The following PCNX2 variants were observed in gnomAD, a reference collection of about 807,000 sequenced individuals.
The protein encoded by PCNX2 is pecanex-like protein 2.
A neutral mutation model predicts 223.8 loss-of-function variants in PCNX2; 168 were observed. That is an observed-to-expected ratio of 0.75 (90% CI 0.66 to 0.85). PCNX2 has a LOEUF of 0.85. PCNX2 is among the 40% of genes least tolerant of loss of function. The probability of loss-of-function intolerance (pLI) is 0.00; values close to 1 mark genes in which losing one functional copy is unlikely to be tolerated. For missense variants in PCNX2, 2,507 were observed against 2,675.5 expected, an observed-to-expected ratio of 0.94 and a Z score of 1.39; for synonymous variants, 1,006 against 1,052.6, an observed-to-expected ratio of 0.96 and a Z score of 0.86.
intron 12 of PCNX2, among the ~76,000 whole-genome samples, chr1:233,209,448 C>T (rs1253071477): frequency 6.6e-6 from 1 of 151,938 alleles, no homozygotes; most frequent in African/African-American, 2.4e-5. Context: ...AATCAATGCA[C>T]AATTTATAAG....
At chr1:233,094,258 T>A (rs1003459448) in intron 22 of PCNX2, among the ~76,000 whole-genome samples, 1 of 152,176 alleles carries the variant, frequency 6.6e-6, no homozygotes, top group African/African-American at 2.4e-5. Flanking sequence ...TTAATAAACA[T>A]GCTTTAAATT....
At chr1:233,311,064 G>A in the PCNX2 span, among the ~76,000 whole-genome samples, 1 of 152,228 alleles carries the variant, frequency 6.6e-6, no homozygotes, top group African/African-American at 2.4e-5. Context: ...GCTCAGCCTG[G>A]GTCTCTGACT....
chr1:233,225,802 A>G (rs1412657163), intron 10 of PCNX2, among the ~76,000 whole-genome samples: 1 of 152,214 alleles, frequency 6.6e-6, no homozygotes, highest in African/African-American at 2.4e-5. Flanking sequence ...TATTTCAAAA[A>G]TGCCTCATTT....
intron 21 of PCNX2, among the ~76,000 whole-genome samples, chr1:233,124,523 A>G (rs1418302032): frequency 6.6e-6 from 1 of 152,234 alleles, no homozygotes; most frequent in Non-Finnish European, 1.5e-5. Context: ...AGAATTAGTC[A>G]GTCCACATAC....
At position 233,285,077 on chromosome 1, in the gene PCNX2, G is replaced by A. The variant is rs75870662; in HGVS notation, c.153+10249C>T. ...TAGTATAAATAAAAAATAGGGCCGG[G>A]TGCAGTGGTTCACGCCTGTAATCCC... On this transcript the variant is annotated intron_variant, in intron 1 of 33. Transcript: ENST00000258229. The A allele has an allele frequency of 7.9e-3, 7,411 of 933,184 alleles. 40 individuals are homozygous for A. The highest frequency in any genetic ancestry group is 9.0e-3 in the Non-Finnish European group (7,062 of 782,434). 57.8% of individuals were successfully genotyped at this position (933,184 alleles called of 1,614,324 possible). A position where few individuals can be genotyped will look rare whatever the true frequency, so the allele number is the denominator to read the frequency against.
chr1:233,316,272 C>T, the PCNX2 span, among the ~76,000 whole-genome samples: 2 of 152,170 alleles, frequency 1.3e-5, no homozygotes, highest in Non-Finnish European at 2.9e-5. Flanking sequence ...TAAAGAGTAA[C>T]CTAACACAGG....
At chr1:233,043,784 C>A (rs1464007127) in intron 25 of PCNX2, among the ~76,000 whole-genome samples, 1 of 144,152 alleles carries the variant, frequency 6.9e-6, no homozygotes, top group East Asian at 2.0e-4. Context: ...ATATGTGTCA[C>A]ATTTTCTTAA....
In PCNX2 at chr1:233,040,086, C is replaced by A. The variant is rs138470243; in HGVS notation, c.4351+14182G>T. On this transcript the variant is annotated intron_variant, in intron 25 of 33. Coordinates refer to ENST00000258229, the MANE Select transcript of PCNX2 (RefSeq NM_014801.4). ...ACATAAATAATTAAAAAGGCAAATG[C>A]CCATATGTCACCATGCATTTACGGT... Among the ~76,000 whole-genome samples, 142 of 152,244 alleles carry A rather than the reference C, an allele frequency of 9.3e-4. 3 individuals carry two copies. Among genetic ancestry groups the A allele is most frequent in the Non-Finnish European group, 1.4e-3 (95 of 68,024 alleles).
intron 32 of PCNX2, among the ~76,000 whole-genome samples, chr1:232,988,170 C>T (rs986721719): frequency 6.6e-6 from 1 of 152,310 alleles, no homozygotes; most frequent in East Asian, 1.9e-4. Flanking sequence ...CTGGCAAGGC[C>T]GGACGTGTGT....
At chr1:233,244,133 T>C (rs1658959080) in intron 8 of PCNX2, among the ~76,000 whole-genome samples, 1 of 152,184 alleles carries the variant, frequency 6.6e-6, no homozygotes, top group Non-Finnish European at 1.5e-5. Context: ...CAGGCCCACA[T>C]TTAATTTTTA....
At chr1:233,128,267 A>C (rs898578676) in intron 21 of PCNX2, among the ~76,000 whole-genome samples, 4 of 152,160 alleles carry the variant, frequency 2.6e-5, no homozygotes, top group Non-Finnish European at 4.4e-5. Flanking sequence ...GATTTTCTCA[A>C]GTTCTGCTTT....
At chr1:233,195,153 T>C (rs1680651414) in intron 15 of PCNX2, among the ~76,000 whole-genome samples, 1 of 152,034 alleles carries the variant, frequency 6.6e-6, no homozygotes, top group Admixed American at 6.6e-5. Context: ...ATCCTTTAAA[T>C]GGAATGTTGG....
intron 23 of PCNX2, among the ~76,000 whole-genome samples, chr1:233,059,909 A>C (rs3806216): frequency 0.36 from 55,271 of 152,096 alleles, 13,525 homozygotes; most frequent in African/African-American, 0.7. Context: ...TTTTGGGAAT[A>C]AAAACAGATA....
At chr1:233,284,149 T>TA (rs753307364) in intron 1 of PCNX2, among the ~76,000 whole-genome samples, 2 of 152,216 alleles carry the variant, frequency 1.3e-5, no homozygotes, top group Admixed American at 6.5e-5. Context: ...CCCAGCTCTC[T>TA]AAGACATTAC....
In PCNX2 at chr1:232,986,515, G is replaced by A. The variant is rs370461439; in HGVS notation, c.5817C>T (p.Ser1939=). 5.8e-6 allele frequency: 9 copies of A among 1,544,836 alleles called. No homozygotes were observed. Among genetic ancestry groups the A allele is most frequent in the Admixed American group, 2.0e-5 (1 of 50,348 alleles). ...RTGRRKGRSQ[S]VQAHSALSQR... ...GGCTTAGCGCTGAGTGTGCCTGCACGGACTGGCTCCTGCCTTTCCTCCTGC... is the reference window on the plus strand; with the variant it reads ...GGCTTAGCGCTGAGTGTGCCTGCACAGACTGGCTCCTGCCTTTCCTCCTGC... Residue 1939 remains serine, a synonymous_variant, in exon 33 of 34, where the codon TCC becomes TCT. Coordinates refer to ENST00000258229, the MANE Select transcript of PCNX2 (RefSeq NM_014801.4).
In PCNX2 at chr1:233,264,594, T is replaced by G. The variant is rs1660233597; in HGVS notation, c.154-1431A>C. ...ATTTTCACCATCACTTAACTCGCTC[T>G]TATTATGTCATGGGGGGAAAAGTCC... On this transcript the variant is annotated intron_variant, in intron 1 of 33. Coordinates refer to ENST00000258229, the MANE Select transcript of PCNX2 (RefSeq NM_014801.4). Among the ~76,000 whole-genome samples the G allele has an allele frequency of 2.0e-5, 3 of 152,192 alleles. 1 individual carries two copies. In the South Asian group the frequency reaches 6.2e-4, roughly 32 times the overall value.
intron 8 of PCNX2, chr1:233,241,268 A>T (rs1658746773): frequency 1.0e-6 from 1 of 985,344 alleles, no homozygotes; most frequent in South Asian, 4.7e-5. Context: ...CCTGACTGCC[A>T]TCATGTGGCA....
chr1:233,045,044 G>A (rs1671779544), intron 25 of PCNX2, among the ~76,000 whole-genome samples: 1 of 152,146 alleles, frequency 6.6e-6, no homozygotes, highest in South Asian at 2.1e-4. Context: ...ATGTGCCATG[G>A]ACCTTGATCA....
intron 5 of PCNX2, among the ~76,000 whole-genome samples, chr1:233,256,819 A>C (rs949169390): frequency 1.3e-5 from 2 of 152,232 alleles, no homozygotes; most frequent in Non-Finnish European, 2.9e-5. Flanking sequence ...TCTGTTAAAA[A>C]GTTTAACTGA....
Sources: gnomAD v4.1 joint callset for allele counts (sites outside exome capture counted in the v4.1 genomes callset) on GRCh38, gnomAD v4.1.1 for gene constraint, MANE v1.5 for transcripts, NCBI Gene and HGNC (gene_info 2026-07-23, HGNC 2026-07-21) for gene names.